Variants in SORCS1 observed in about 807,000 individuals in gnomAD.
The protein encoded by SORCS1 is VPS10 domain-containing receptor SorCS1.
In SORCS1, 60 loss-of-function variants were observed where a neutral mutation model predicts 146.1. The observed-to-expected ratio is 0.41, with a 90% CI of 0.33 to 0.51. The LOEUF (loss-of-function observed/expected upper bound fraction) is 0.51, where lower values mean the gene tolerates loss of function less well. Ranked by LOEUF, SORCS1 falls within the 20% of genes least tolerant of loss-of-function variation. The pLI is 0.21. For missense variants in SORCS1, 1,352 were observed against 1,487.6 expected, an observed-to-expected ratio of 0.91 and a Z score of 1.50; for synonymous variants, 637 against 584.0, an observed-to-expected ratio of 1.09 and a Z score of -1.31.
At chr10:107,134,489 A>C (rs1488089367) in intron 1 of SORCS1, among the ~76,000 whole-genome samples, 3 of 152,114 alleles carry the variant, frequency 2.0e-5, no homozygotes, top group Non-Finnish European at 4.4e-5. Context: ...ATACAAAAAA[A>C]TTATCTGGAC....
At chr10:107,163,813 G>A (rs1969888203) in intron 1 of SORCS1, among the ~76,000 whole-genome samples, 156 bp downstream of exon 1, 1 of 152,140 alleles carries the variant, frequency 6.6e-6, no homozygotes, top group African/African-American at 2.4e-5. Context: ...CTCCTAGTAG[G>A]TGATGTTAAC....
chr10:106,956,485 T>G lies in SORCS1; in HGVS notation c.626+28A>C, dbSNP rs373364136. On this transcript the variant is annotated intron_variant, in intron 2 of 25. Transcript: ENST00000263054. ...CAGGCATCATGCTTAAATAACACGG[T>G]AATTATTAGCTCCATTTATCTACAT... 7 of 1,607,088 alleles carry G rather than the reference T, an allele frequency of 4.4e-6. No individual in the cohort carries two copies. The African/African-American group carries it at 9.4e-5, about 22-fold the overall frequency.
At chr10:106,996,687 G>T (rs1589883787) in intron 1 of SORCS1, among the ~76,000 whole-genome samples, 2 of 152,170 alleles carry the variant, frequency 1.3e-5, no homozygotes. Context: ...GCATCCCAAT[G>T]ATATCACAGC....
At chr10:106,651,003 A>G (rs1849818561) in intron 18 of SORCS1, among the ~76,000 whole-genome samples, 1 of 151,988 alleles carries the variant, frequency 6.6e-6, no homozygotes, top group African/African-American at 2.4e-5. Context: ...AATATGAGCA[A>G]CTCCAATTTG....
At chr10:106,801,838 C>T (rs184252238) in intron 3 of SORCS1, among the ~76,000 whole-genome samples, 10 of 152,046 alleles carry the variant, frequency 6.6e-5, no homozygotes, top group East Asian at 3.9e-4. Flanking sequence ...CTAGTATAGA[C>T]GACAGTTTAC....
In SORCS1 at chr10:106,776,690, T is replaced by C; in HGVS notation, c.729A>G (p.Ile243Met). 6.2e-7 allele frequency: 1 copy of C among 1,605,822 alleles called. No individual in the cohort carries two copies. The highest frequency in any genetic ancestry group is 1.3e-5 in the African/African-American group (1 of 74,798). Residue 243 changes from isoleucine (I) to methionine (M), a missense_variant and splice_region_variant, in exon 4 of 26, where the codon ATA (isoleucine) becomes ATG (methionine). Around this residue, in one of 3 missense-constraint regions of SORCS1, gnomAD observed 490 missense variants for 489.1 expected, o/e 1.00. Transcript: ENST00000263054. ...LYVCPTNKRK[I>M]MLLTDPEIES... ...CAATCTCCGGGTCTGTGAGTAACAT[T>C]ATCTGCAGCAAAGAATTGTTGGAGA...
chr10:106,837,492 C>A (rs10786978), intron 2 of SORCS1, among the ~76,000 whole-genome samples: 41,936 of 151,222 alleles, frequency 0.28, 6,987 homozygotes, highest in Non-Finnish European at 0.38. Flanking sequence ...AAAGACAGTA[C>A]TGCTTGACAC....
intron 2 of SORCS1, among the ~76,000 whole-genome samples, chr10:106,864,826 A>C (rs554114867): frequency 6.6e-6 from 1 of 152,340 alleles, no homozygotes; most frequent in African/African-American, 2.4e-5. Context: ...CAGGGGCTGA[A>C]GTGGATCTCC....
At chr10:106,781,191 C>A (rs185338195) in intron 3 of SORCS1, among the ~76,000 whole-genome samples, 21 of 152,232 alleles carry the variant, frequency 1.4e-4, no homozygotes, top group African/African-American at 4.3e-4. Context: ...TTTCCAAATT[C>A]TTTTCCTAGA....
rs994560783 is a variant in SORCS1 at position 107,143,217 on chromosome 10, A to G, written c.558+20752T>C. 2.0e-5 allele frequency among the ~76,000 whole-genome samples: 3 copies of G among 152,150 alleles called. No homozygotes were observed. The East Asian group carries it at 5.8e-4, about 29-fold the overall frequency. ...TTTGCAACTGGTCTCCCTTTTTTCT[A>G]TGTTTCACCCATACAATTTATTTTT... On this transcript the variant is annotated intron_variant, in intron 1 of 25. Transcript: ENST00000263054.
intron 3 of SORCS1, among the ~76,000 whole-genome samples, chr10:106,800,030 T>C (rs1216378706): frequency 6.6e-6 from 1 of 152,140 alleles, no homozygotes; most frequent in African/African-American, 2.4e-5. Context: ...CATTTGGTTA[T>C]AGAGATCAAG....
At chr10:106,811,861 C>T (rs748276396) in intron 3 of SORCS1, among the ~76,000 whole-genome samples, 17 of 152,132 alleles carry the variant, frequency 1.1e-4, no homozygotes, top group Non-Finnish European at 2.1e-4. Context: ...CCAAAAAGCT[C>T]GAGAAAATCT....
At chr10:106,782,823 G>A (rs566039741) in intron 3 of SORCS1, among the ~76,000 whole-genome samples, 52 of 152,282 alleles carry the variant, frequency 3.4e-4, no homozygotes, top group Admixed American at 2.6e-3. Context: ...TTTCCATGGC[G>A]GGTTGATCCA....
At chr10:106,619,210 T>C (rs558707445) in intron 20 of SORCS1, among the ~76,000 whole-genome samples, 1 of 152,284 alleles carries the variant, frequency 6.6e-6, no homozygotes, top group East Asian at 1.9e-4. Context: ...AGTACTAGTT[T>C]TCAGGGAAAT....
chr10:106,971,745 C>G (rs967189125), intron 1 of SORCS1, among the ~76,000 whole-genome samples: 1 of 152,116 alleles, frequency 6.6e-6, no homozygotes, highest in Non-Finnish European at 1.5e-5. Context: ...GAAGGTTGGC[C>G]AGGACACTGC....
intron 5 of SORCS1, among the ~76,000 whole-genome samples, chr10:106,738,758 G>A (rs1857145497): frequency 6.6e-6 from 1 of 152,224 alleles, no homozygotes; most frequent in Non-Finnish European, 1.5e-5. Flanking sequence ...TTGGGAGGCT[G>A]AGATGGGAGG....
chr10:106,620,128 TAG>T (rs747294892), intron 20 of SORCS1: 1 of 219,106 alleles, frequency 4.6e-6, no homozygotes, highest in Non-Finnish European at 9.0e-6. Flanking sequence ...TTTCAGGAAA[TAG>T]AGTTTAATTT....
intron 18 of SORCS1, among the ~76,000 whole-genome samples, chr10:106,650,712 T>C (rs1028702484): frequency 1.3e-5 from 2 of 152,134 alleles, no homozygotes; most frequent in African/African-American, 2.4e-5. Flanking sequence ...ACCTCCTCTA[T>C]AGTGTGGCAT....
At chr10:106,688,532 G>T (rs1853047354) in intron 9 of SORCS1, among the ~76,000 whole-genome samples, 194 bp from the exon 10 acceptor site, 1 of 152,124 alleles carries the variant, frequency 6.6e-6, no homozygotes, top group Non-Finnish European at 1.5e-5. Context: ...CAACAGATTG[G>T]TGATCCTTAT....
Sources: allele counts gnomAD v4.1 joint callset (sites outside exome capture counted in the v4.1 genomes callset), GRCh38; gene constraint gnomAD v4.1.1; regional missense constraint gnomAD v4.1.1; transcripts MANE v1.5; gene names NCBI Gene and HGNC (gene_info 2026-07-23, HGNC 2026-07-21).